The following LYST variants were observed in gnomAD, a reference collection of about 807,000 sequenced individuals.
LYST encodes lysosomal trafficking regulator, also known as lysosomal-trafficking regulator.
A neutral mutation model predicts 413.6 loss-of-function variants in LYST; 192 were observed. That is an observed-to-expected ratio of 0.46 (90% CI 0.41 to 0.52). The LOEUF is 0.52. Ranked by LOEUF, LYST falls within the 20% of genes least tolerant of loss-of-function variation. The pLI is 0.00. For synonymous variants in LYST, 1,525 were observed against 1,567.3 expected, an observed-to-expected ratio of 0.97 and a Z score of 0.64; for missense variants, 3,815 against 4,499.9, an observed-to-expected ratio of 0.85 and a Z score of 4.35.
At chr1:235,853,489 A>C (rs1191081805) in intron 1 of LYST, among the ~76,000 whole-genome samples, 2 of 149,674 alleles carry the variant, frequency 1.3e-5, no homozygotes, top group Non-Finnish European at 2.9e-5. Flanking sequence ...TGTGTAAAGA[A>C]AACTAAAAAA....
intron 48 of LYST, among the ~76,000 whole-genome samples, chr1:235,678,163 A>C (rs1415791048): frequency 6.7e-6 from 1 of 150,134 alleles, no homozygotes; most frequent in East Asian, 1.9e-4. Context: ...ATACTTCTGT[A>C]AAAAAAAAAT....
chr1:235,857,998 C>T (rs1195072765), intron 1 of LYST, among the ~76,000 whole-genome samples: 1 of 152,158 alleles, frequency 6.6e-6, no homozygotes, highest in East Asian at 1.9e-4. Context: ...ACCTTTGAGT[C>T]AGCCATCTCC....
Position 235,716,762 on chromosome 1 carries a change from T to G in LYST, c.9577A>C (p.Ile3193Leu), listed in dbSNP as rs1296202531. The change falls in exon 41 of 53, where the codon ATA (isoleucine) becomes CTA (leucine). Residue 3193 changes from isoleucine (I) to leucine (L), a missense_variant. Physicochemically the swap from Ile to Leu is conservative, Grantham distance 5. Coordinates refer to ENST00000389793, the MANE Select transcript of LYST (RefSeq NM_000081.4). ...TCTTTTTCTTTATACTGAACAGCTA[T>G]AGGTTTAGAGAGATTTCTGCAAGAA... ...LLIYRNLSKPIAVQYKEKEDR... is the reference protein window; with the variant it reads ...LLIYRNLSKPLAVQYKEKEDR... 1 of 1,588,420 alleles carries G rather than the reference T, an allele frequency of 6.3e-7. No homozygotes were observed. Among genetic ancestry groups the G allele is most frequent in the East Asian group, 2.2e-5 (1 of 44,624 alleles).
chr1:235,848,633 G>C (rs1464478717), intron 1 of LYST, among the ~76,000 whole-genome samples: 1 of 152,084 alleles, frequency 6.6e-6, no homozygotes, highest in African/African-American at 2.4e-5. Context: ...TCATTAGCAA[G>C]ATTAACCAAG....
Position 235,738,767 on chromosome 1 carries a change from G to A in LYST, c.8358+2655C>T, listed in dbSNP as rs879026413. ...CATCCTGGGCCATTGGACTCTCTGT[G>A]GCAGATTTGGCAGAAAGTATAATGA... is the stretch of plus-strand genomic sequence containing the variant. On this transcript the variant is annotated intron_variant, in intron 31 of 52. Coordinates refer to ENST00000389793, the MANE Select transcript of LYST (RefSeq NM_000081.4). 5.3e-6 allele frequency: 6 copies of A among 1,135,744 alleles called. No individual in the cohort carries two copies. The East Asian group carries it at 1.2e-4, about 22-fold the overall frequency. The allele number at this position is 1,135,744 out of a possible 1,614,324, so 70.4% of individuals were successfully genotyped here.
intron 34 of LYST, 65 bp from the exon 35 acceptor site, chr1:235,731,242 T>C: frequency 7.0e-7 from 1 of 1,418,486 alleles, no homozygotes; most frequent in Non-Finnish European, 1.0e-6. Context: ...ATAAAAAAAA[T>C]CATTATAGAG....
At position 235,757,205 on chromosome 1, in the gene LYST, T is replaced by C. The variant is rs919416536; in HGVS notation, c.7059+76A>G. The C allele has an allele frequency of 3.2e-6, 3 of 924,404 alleles. No homozygotes were observed. The Admixed American group carries it at 6.9e-5, about 21-fold the overall frequency. 57.3% of individuals were successfully genotyped at this position (924,404 alleles called of 1,614,324 possible). On this transcript the variant is annotated intron_variant, in intron 24 of 52. Transcript: ENST00000389793. ...AGAGAGATTTAGGTCTACTTTAATG[T>C]ATATACTCAAAATTTTAAATTACAT...
intron 11 of LYST, among the ~76,000 whole-genome samples, 172 bp from the exon 12 acceptor site, chr1:235,792,297 G>C (rs1258810650): frequency 2.6e-5 from 4 of 151,956 alleles, no homozygotes; most frequent in Non-Finnish European, 4.4e-5. Flanking sequence ...TCGTAGCTGA[G>C]ATAAAATATG....
chr1:235,876,371 T>C lies in LYST; in HGVS notation n.454+6816A>G, dbSNP rs899069654. ...CTATTGTTATTTTCTTTAAAAAAAA[T>C]GGTTTGTCTTCTCAAATACACTTTG... On this transcript the variant is annotated intron_variant and non_coding_transcript_variant, in intron 1 of 11. Transcript: ENST00000465349. 2.6e-5 allele frequency among the ~76,000 whole-genome samples: 4 copies of C among 152,212 alleles called. No individual in the cohort carries two copies. In the East Asian group the frequency reaches 7.7e-4, roughly 29 times the overall value.
chr1:235,872,902 T>G (rs539395551), intron 1 of LYST, among the ~76,000 whole-genome samples: 1 of 152,124 alleles, frequency 6.6e-6, no homozygotes, highest in East Asian at 1.9e-4. Flanking sequence ...GGTGACAGAG[T>G]GAGACTCTGT....
intron 47 of LYST, among the ~76,000 whole-genome samples, chr1:235,687,666 C>T (rs1358511028): frequency 6.6e-6 from 1 of 152,100 alleles, no homozygotes; most frequent in Non-Finnish European, 1.5e-5. Flanking sequence ...CTGACCCCCA[C>T]CCTGAGCACC....
chr1:235,785,990 C>A (rs1423733692), intron 14 of LYST, among the ~76,000 whole-genome samples: 1 of 152,188 alleles, frequency 6.6e-6, no homozygotes, highest in Non-Finnish European at 1.5e-5. Flanking sequence ...CTATCTGAAT[C>A]TATCACCTTA....
intron 1 of LYST, among the ~76,000 whole-genome samples, chr1:235,847,440 A>T (rs2103079341): frequency 6.6e-6 from 1 of 152,338 alleles, no homozygotes; most frequent in Non-Finnish European, 1.5e-5. Flanking sequence ...AGCATAAATC[A>T]CACAGGGCCT....
chr1:235,800,178 C>T (rs1358195307), intron 10 of LYST, 142 bp downstream of exon 10: 1 of 607,954 alleles, frequency 1.6e-6, no homozygotes, highest in African/African-American at 1.9e-5. Context: ...AACTCCCAGG[C>T]TCAAGTGATC....
At chr1:235,817,166 T>C (rs1674225619) in intron 3 of LYST, among the ~76,000 whole-genome samples, 1 of 150,592 alleles carries the variant, frequency 6.6e-6, no homozygotes, top group African/African-American at 2.4e-5. Flanking sequence ...AAAACCACAA[T>C]GAGATACCAT....
Position 235,662,670 on chromosome 1 carries a change from G to T in LYST, c.*270C>A. ...ATACCTTGGTGGGAAAAAATTTTAAGAATATCATTTTAATGTACCATGCGA... is the reference window on the plus strand; with the variant it reads ...ATACCTTGGTGGGAAAAAATTTTAATAATATCATTTTAATGTACCATGCGA... On this transcript the variant is annotated 3_prime_UTR_variant, in exon 53 of 53. Transcript: ENST00000389793. 2.2e-6 allele frequency: 1 copy of T among 456,036 alleles called. No individual in the cohort carries two copies. The highest frequency in any genetic ancestry group is 4.0e-6 in the Non-Finnish European group (1 of 248,574). 28.2% of individuals were successfully genotyped at this position (456,036 alleles called of 1,614,324 possible).
intron 50 of LYST, among the ~76,000 whole-genome samples, chr1:235,673,549 G>A (rs1447576933): frequency 2.0e-5 from 3 of 152,058 alleles, no homozygotes; most frequent in Non-Finnish European, 2.9e-5. Flanking sequence ...CCATTTCACC[G>A]AAGGAGTCAC....
rs1357145497 is a variant in LYST at position 235,791,927 on chromosome 1, C to A, written c.4315G>T (p.Asp1439Tyr). The change falls in exon 12 of 53, where the codon GAT (aspartate) becomes TAT (tyrosine). Residue 1439 changes from aspartate to tyrosine, a missense_variant. Physicochemically the swap from Asp to Tyr is radical, Grantham distance 160. Around this residue, in one of 4 missense-constraint regions of LYST, gnomAD observed 1,648 missense variants for 1,810.3 expected, o/e 0.91. Transcript: ENST00000389793. ...AGCCGATGGGGAAAACTCTCTCTATCAGCCTCTTTCTTGCTCCGTGAAACT... is the reference window on the plus strand; with the variant it reads ...AGCCGATGGGGAAAACTCTCTCTATAAGCCTCTTTCTTGCTCCGTGAAACT... ...ARVSRSKKEA[D>Y]RESFPHRLLS... The A allele has an allele frequency of 6.2e-7, 1 of 1,614,020 alleles. No homozygotes were observed. Among genetic ancestry groups the A allele is most frequent in the African/African-American group, 1.3e-5 (1 of 74,912 alleles).
At chr1:235,681,943 G>A (rs1265759417) in intron 48 of LYST, among the ~76,000 whole-genome samples, 7 of 152,064 alleles carry the variant, frequency 4.6e-5, no homozygotes. Flanking sequence ...CGTTGGGCAA[G>A]TTACAAGAAG....
Sources: allele counts gnomAD v4.1 joint callset (sites outside exome capture counted in the v4.1 genomes callset), GRCh38; gene constraint gnomAD v4.1.1; regional missense constraint gnomAD v4.1.1; transcripts MANE v1.5; gene names NCBI Gene and HGNC (gene_info 2026-07-23, HGNC 2026-07-21).